NXPE2: variants seen among roughly 807,000 people sequenced by gnomAD.
NXPE2 encodes the protein NXPE family member 2.
Under a neutral mutation model 34.4 loss-of-function variants are expected in NXPE2, and 34 were observed. That is an observed-to-expected ratio of 0.99 (90% confidence interval 0.75 to 1.31). The LOEUF is 1.31. Ranked by LOEUF, NXPE2 falls within the 40% of genes most tolerant of loss-of-function variation. The probability of loss-of-function intolerance (pLI) is 0.00; values close to 1 mark genes in which losing one functional copy is unlikely to be tolerated. For synonymous variants in NXPE2, 235 were observed against 231.3 expected, an observed-to-expected ratio of 1.02 and a Z score of -0.15; for missense variants, 649 against 672.5, an observed-to-expected ratio of 0.97 and a Z score of 0.39.
the NXPE2 span, among the ~76,000 whole-genome samples, chr11:114,617,658 G>A: frequency 6.6e-6 from 1 of 151,534 alleles, no homozygotes; most frequent in Non-Finnish European, 1.5e-5. Flanking sequence ...GTTGCCTCTA[G>A]GGTAACCACT....
At chr11:114,771,768 T>C in the NXPE2 span, among the ~76,000 whole-genome samples, 1 of 152,256 alleles carries the variant, frequency 6.6e-6, no homozygotes, top group Non-Finnish European at 1.5e-5. Context: ...TCTCTTTCCA[T>C]TGTGGCCTTA....
At chr11:114,594,520 A>C in the NXPE2 span, 1 of 631,244 alleles carries the variant, frequency 1.6e-6, no homozygotes, top group Non-Finnish European at 2.8e-6. Context: ...TTGCTTAATG[A>C]TTATCAGGTA....
chr11:114,614,332 T>C, the NXPE2 span, among the ~76,000 whole-genome samples: 37 of 151,146 alleles, frequency 2.4e-4, 1 homozygote, highest in Middle Eastern at 3.6e-3. Context: ...CACGGTTACC[T>C]GATGGATAAT....
chr11:114,808,036 A>AACTC, the NXPE2 span, among the ~76,000 whole-genome samples: 2 of 152,240 alleles, frequency 1.3e-5, no homozygotes, highest in African/African-American at 4.8e-5. Flanking sequence ...AGGATTAAGA[A>AACTC]ACTCACTCAA....
chr11:114,505,503 G>A, the NXPE2 span, among the ~76,000 whole-genome samples: 8 of 152,154 alleles, frequency 5.3e-5, no homozygotes, highest in Admixed American at 5.2e-4. Context: ...ACAAAGGGAA[G>A]CCCATCAGAT....
the NXPE2 span, among the ~76,000 whole-genome samples, chr11:114,794,851 G>GCCC: frequency 3.9e-3 from 485 of 125,428 alleles, no homozygotes; most frequent in African/African-American, 0.012. Flanking sequence ...TTGCACCCCC[G>GCCC]CCCCCCCCAA....
At chr11:114,619,274 T>C in the NXPE2 span, among the ~76,000 whole-genome samples, 1 of 152,132 alleles carries the variant, frequency 6.6e-6, no homozygotes, top group Non-Finnish European at 1.5e-5. Flanking sequence ...TGGTACCTGG[T>C]GGATAATAAG....
chr11:114,615,845 G>A, the NXPE2 span, among the ~76,000 whole-genome samples: 7 of 151,538 alleles, frequency 4.6e-5, 1 homozygote, highest in African/African-American at 1.7e-4. Context: ...TGGATAATAA[G>A]AGATGCCTCG....
At chr11:114,787,399 G>A in the NXPE2 span, among the ~76,000 whole-genome samples, 1 of 152,132 alleles carries the variant, frequency 6.6e-6, no homozygotes, top group Non-Finnish European at 1.5e-5. Flanking sequence ...GGAGCATCAC[G>A]TTTCAGTAGG....
the NXPE2 span, among the ~76,000 whole-genome samples, chr11:114,615,927 A>G: frequency 2.0e-5 from 3 of 151,626 alleles, no homozygotes; most frequent in Non-Finnish European, 4.4e-5. Context: ...GGTGGATAAT[A>G]TGTATCGACT....
the NXPE2 span, among the ~76,000 whole-genome samples, chr11:114,646,524 T>TA: frequency 6.6e-6 from 1 of 152,016 alleles, no homozygotes; most frequent in Admixed American, 6.6e-5. Context: ...TGTAATTTTT[T>TA]AAAAAACCTG....
the NXPE2 span, chr11:114,527,199 C>G: frequency 6.6e-6 from 1 of 152,440 alleles, no homozygotes; most frequent in African/African-American, 2.4e-5. Flanking sequence ...TCCCTCAAAC[C>G]TTGTTATGAC....
the NXPE2 span, among the ~76,000 whole-genome samples, chr11:114,768,841 A>G: frequency 6.6e-6 from 1 of 152,060 alleles, no homozygotes; most frequent in Non-Finnish European, 1.5e-5. Context: ...TATACAATCT[A>G]AAACCATAAA....
the NXPE2 span, among the ~76,000 whole-genome samples, chr11:114,560,078 C>G: frequency 6.6e-6 from 1 of 151,982 alleles, no homozygotes; most frequent in African/African-American, 2.4e-5. Context: ...TACTGGTGAC[C>G]CTTGGGAATG....
At chr11:114,810,201 T>C in the NXPE2 span, among the ~76,000 whole-genome samples, 1 of 148,716 alleles carries the variant, frequency 6.7e-6, no homozygotes, top group South Asian at 2.2e-4. Context: ...CAAGATGGAT[T>C]AAAGACTTAC....
the NXPE2 span, among the ~76,000 whole-genome samples, chr11:114,744,938 TTAATAAA>T: frequency 2.6e-5 from 4 of 152,162 alleles, no homozygotes; most frequent in Non-Finnish European, 5.9e-5. Flanking sequence ...TTAAAAATAG[TTAATAAA>T]TAAGAATATA....
the NXPE2 span, among the ~76,000 whole-genome samples, chr11:114,718,787 C>A: frequency 1.3e-5 from 2 of 152,058 alleles, no homozygotes; most frequent in East Asian, 1.9e-4. Context: ...AGGGAGGAGA[C>A]CTTATTTATC....
chr11:114,512,327 TG>T, the NXPE2 span, among the ~76,000 whole-genome samples: 1 of 152,124 alleles, frequency 6.6e-6, no homozygotes, highest in African/African-American at 2.4e-5. Context: ...ACTTTCCCCC[TG>T]TCTAATTCCC....
At chr11:114,559,913 A>C in the NXPE2 span, 1 of 152,270 alleles carries the variant, frequency 6.6e-6, no homozygotes, top group South Asian at 2.1e-4. Flanking sequence ...ATTTATTTTC[A>C]TCAGTCTGTT....
Sources: gnomAD v4.1 joint callset for allele counts (sites outside exome capture counted in the v4.1 genomes callset) on GRCh38, gnomAD v4.1.1 for gene constraint, MANE v1.5 for transcripts, NCBI Gene and HGNC (gene_info 2026-07-23, HGNC 2026-07-21) for gene names.